Variants in CALN1 observed in about 807,000 individuals in gnomAD.
The protein encoded by CALN1 is calneuron 1.
CALN1 carries 17 observed loss-of-function variants against 30.6 expected under a neutral mutation model. That is an observed-to-expected ratio of 0.56 (90% CI 0.38 to 0.83). The LOEUF is 0.83. Among genes scored for constraint, CALN1 ranks in the 40% least tolerant of loss-of-function variants. CALN1 has a pLI of 0.00. For missense variants in CALN1, 291 were observed against 354.9 expected (o/e 0.82, Z 1.45); for synonymous variants, 156 against 131.4 (o/e 1.19, Z -1.28).
intron 2 of CALN1, among the ~76,000 whole-genome samples, chr7:72,344,638 ATT>A (rs1802533320): frequency 8.1e-6 from 1 of 122,886 alleles, no homozygotes; most frequent in Admixed American, 9.1e-5. Context: ...TTAAATATAT[ATT>A]TATATTTTTT....
At chr7:72,148,616 A>G (rs1178534690) in intron 3 of CALN1, among the ~76,000 whole-genome samples, 1 of 151,814 alleles carries the variant, frequency 6.6e-6, no homozygotes, top group East Asian at 1.9e-4. Flanking sequence ...AAAGAAAAGA[A>G]AAAAGAGGCT....
At chr7:72,433,890 CT>C (rs1373493764) in intron 1 of CALN1, among the ~76,000 whole-genome samples, 1 of 151,938 alleles carries the variant, frequency 6.6e-6, no homozygotes, top group Non-Finnish European at 1.5e-5. Context: ...GGCCCCATTT[CT>C]GCTAATAATA....
At chr7:71,982,944 G>A (rs773535508) in intron 5 of CALN1, among the ~76,000 whole-genome samples, 7 of 152,120 alleles carry the variant, frequency 4.6e-5, no homozygotes, top group Non-Finnish European at 1.0e-4. Flanking sequence ...TGCCAACCAC[G>A]TGTGCAGTAA....
chr7:71,973,836 T>C (rs1192914793), intron 5 of CALN1, among the ~76,000 whole-genome samples: 1 of 152,156 alleles, frequency 6.6e-6, no homozygotes, highest in South Asian at 2.1e-4. Context: ...TCCAGAGACT[T>C]TGGCGTTTTA....
At chr7:72,354,941 G>A (rs953746417) in intron 2 of CALN1, among the ~76,000 whole-genome samples, 12 of 145,190 alleles carry the variant, frequency 8.3e-5, no homozygotes, top group Admixed American at 6.4e-4. Context: ...ACAGGGTCTC[G>A]CTTTGTCGCC....
intron 3 of CALN1, among the ~76,000 whole-genome samples, chr7:72,272,304 A>G (rs1340230438): frequency 6.6e-6 from 1 of 152,080 alleles, no homozygotes; most frequent in Non-Finnish European, 1.5e-5. Flanking sequence ...GCTCATGCCT[A>G]TAATTTCAGC....
the CALN1 span, among the ~76,000 whole-genome samples, chr7:72,466,702 C>T: frequency 2.0e-5 from 3 of 151,146 alleles, no homozygotes; most frequent in East Asian, 2.0e-4. Flanking sequence ...AAGATCGCGC[C>T]ACTGCACACC....
chr7:72,359,964 G>C (rs1349305441), intron 2 of CALN1, among the ~76,000 whole-genome samples: 2 of 46,588 alleles, frequency 4.3e-5, no homozygotes, highest in Non-Finnish European at 3.4e-5. Flanking sequence ...GTGACAGAGT[G>C]AGACTCCATC....
At position 72,018,802 on chromosome 7, in the gene CALN1, C is replaced by A. The variant is rs369970433; in HGVS notation, c.501+4855G>T. Among the ~76,000 whole-genome samples the A allele has an allele frequency of 7.2e-5, 11 of 152,158 alleles. No homozygotes were observed. The East Asian group carries it at 2.1e-3, about 29-fold the overall frequency. ...CTACCCTTGGCACTATAGGCTAGAA[C>A]ACCAGTAAGGAAAGCACTGGAAAAA... On this transcript the variant is annotated intron_variant, in intron 5 of 6. Transcript: ENST00000395275.
intron 3 of CALN1, among the ~76,000 whole-genome samples, chr7:72,256,653 C>T (rs1795935065): frequency 6.6e-6 from 1 of 151,764 alleles, no homozygotes; most frequent in South Asian, 2.1e-4. Context: ...GTCACCCACG[C>T]TGGAACACAA....
At chr7:72,112,908 G>C (rs1487713255) in intron 3 of CALN1, among the ~76,000 whole-genome samples, 1 of 152,160 alleles carries the variant, frequency 6.6e-6, no homozygotes, top group African/African-American at 2.4e-5. Context: ...CTCTGAGGAA[G>C]GGCTGTTGGG....
At chr7:72,249,960 AGAG>A (rs1287265901) in intron 3 of CALN1, among the ~76,000 whole-genome samples, 2,680 of 134,562 alleles carry the variant, frequency 0.02, 76 homozygotes, top group African/African-American at 0.062. Context: ...AAAAAAAAAA[AGAG>A]AGAGAGAGAG....
rs1228002502 is a variant in CALN1 at position 71,782,420 on chromosome 7, AAGC to A, written c.*5352_*5354del. 6.6e-6 allele frequency: 1 copy of A among 152,236 alleles called. No homozygotes were observed. The highest frequency in any genetic ancestry group is 2.4e-5 in the African/African-American group (1 of 41,428). The allele number at this position is 152,236 out of a possible 1,614,324, so 9.4% of individuals were successfully genotyped here. On this transcript the variant is annotated 3_prime_UTR_variant, in exon 7 of 7. Coordinates refer to ENST00000395275, the MANE Select transcript of CALN1 (RefSeq NM_031468.4). ...GCTTTCTGAGGTCTCACCAGAAGCC[AAGC>A]AGATGTTGATACCTTGCTCAAACAG...
intron 6 of CALN1, among the ~76,000 whole-genome samples, chr7:71,789,407 ACT>A (rs1342675392): frequency 6.6e-6 from 1 of 150,962 alleles, no homozygotes; most frequent in Non-Finnish European, 1.5e-5. Flanking sequence ...ACAGAGCGAG[ACT>A]CTGTCTCAAA....
chr7:72,410,989 G>GA (rs1249199315), intron 1 of CALN1, among the ~76,000 whole-genome samples: 1 of 152,124 alleles, frequency 6.6e-6, no homozygotes, highest in Middle Eastern at 3.2e-3. Flanking sequence ...TATATGTATG[G>GA]AAAATCCCAA....
At chr7:72,483,285 T>TC in the CALN1 span, among the ~76,000 whole-genome samples, 11 of 80,854 alleles carry the variant, frequency 1.4e-4, 1 homozygote, top group African/African-American at 5.0e-4. Context: ...TTTTTCTTTT[T>TC]TTTTTTTTTT....
At chr7:72,342,959 T>A (rs1274870545) in intron 2 of CALN1, among the ~76,000 whole-genome samples, 4 of 152,162 alleles carry the variant, frequency 2.6e-5, no homozygotes, top group African/African-American at 9.7e-5. Flanking sequence ...CAACACACAT[T>A]CTCTCCTGTG....
At chr7:72,404,261 G>T (rs1026263500) in intron 1 of CALN1, among the ~76,000 whole-genome samples, 1 of 152,182 alleles carries the variant, frequency 6.6e-6, no homozygotes, top group Non-Finnish European at 1.5e-5. Context: ...ATTGTGTTGA[G>T]AAAAACCCCA....
chr7:72,074,608 G>T lies in CALN1; in HGVS notation c.388+31543C>A, dbSNP rs150586873. Among the ~76,000 whole-genome samples the T allele has an allele frequency of 9.9e-5, 15 of 152,162 alleles. No individual in the cohort carries two copies. The East Asian group carries it at 2.9e-3, about 29-fold the overall frequency. On this transcript the variant is annotated intron_variant, in intron 4 of 6. Transcript: ENST00000395275. ...TTTTTAGTAGAGATGGGGTTTTGCC[G>T]TGTTGGCCAGGCTGGTCTCGAACTC...
Sources: gnomAD v4.1 joint callset for allele counts (sites outside exome capture counted in the v4.1 genomes callset) on GRCh38, gnomAD v4.1.1 for gene constraint, MANE v1.5 for transcripts, NCBI Gene and HGNC (gene_info 2026-07-23, HGNC 2026-07-21) for gene names.